RBM19: variants seen among roughly 807,000 people sequenced by gnomAD.
RBM19 encodes probable RNA-binding protein 19.
RBM19 carries 94 observed loss-of-function variants against 116.8 expected under a neutral mutation model. The observed-to-expected ratio is 0.80, with a 90% CI of 0.68 to 0.95. RBM19 has a LOEUF of 0.95. Among genes scored for constraint, RBM19 ranks in the 40% least tolerant of loss-of-function variants. The pLI is 0.00. For synonymous variants in RBM19, 475 were observed against 494.1 expected, an observed-to-expected ratio of 0.96 and a Z score of 0.51; for missense variants, 1,161 against 1,220.7, an observed-to-expected ratio of 0.95 and a Z score of 0.73.
At chr12:113,832,226 G>A (rs912944323) in intron 23 of RBM19, among the ~76,000 whole-genome samples, 5 of 148,774 alleles carry the variant, frequency 3.4e-5, no homozygotes, top group Non-Finnish European at 7.4e-5. Context: ...GTCTCACTCT[G>A]TTGCCCAGGC....
At chr12:113,845,994 C>A (rs142257297) in intron 22 of RBM19, among the ~76,000 whole-genome samples, 3 of 152,244 alleles carry the variant, frequency 2.0e-5, no homozygotes, top group Non-Finnish European at 2.9e-5. Context: ...AATGAGTTAA[C>A]AGCGTCTAGA....
At chr12:113,919,101 T>G (rs1419196523) in intron 19 of RBM19, among the ~76,000 whole-genome samples, 1 of 152,204 alleles carries the variant, frequency 6.6e-6, no homozygotes, top group Non-Finnish European at 1.5e-5. Context: ...AATTTTAAGT[T>G]AAATGAGTAC....
chr12:113,817,116 A>C (rs997421802), downstream of RBM19: 1 of 152,252 alleles, frequency 6.6e-6, no homozygotes, highest in Non-Finnish European at 1.5e-5. Context: ...GCTGCGAGAG[A>C]CGGCCCTGCA....
intron 16 of RBM19, among the ~76,000 whole-genome samples, chr12:113,933,432 A>C (rs1300974927): frequency 6.6e-6 from 1 of 152,106 alleles, no homozygotes; most frequent in Non-Finnish European, 1.5e-5. Context: ...GGGCAGGAGG[A>C]GGCCCTGGAG....
chr12:113,955,330 G>A, intron 6 of RBM19, 119 bp from the exon 7 acceptor site: 3 of 941,504 alleles, frequency 3.2e-6, no homozygotes, highest in Non-Finnish European at 5.1e-6. Context: ...GGGAGCTGGG[G>A]AATGCTGGGA....
chr12:113,927,532 C>A, intron 16 of RBM19: 1 of 291,734 alleles, frequency 3.4e-6, no homozygotes, highest in Non-Finnish European at 6.3e-6. Flanking sequence ...AATAAATTAC[C>A]ATGTGAACTG....
downstream of RBM19, among the ~76,000 whole-genome samples, chr12:113,821,117 C>T (rs1266729101): frequency 3.3e-5 from 5 of 152,142 alleles, no homozygotes; most frequent in African/African-American, 1.2e-4. Flanking sequence ...CCGAGGCTCA[C>T]GAGGCTGGAG....
At chr12:113,858,919 A>G (rs762536155) in intron 21 of RBM19, 23 bp from the exon 22 acceptor site, 4 of 1,609,376 alleles carry the variant, frequency 2.5e-6, no homozygotes, top group Non-Finnish European at 3.4e-6. Flanking sequence ...GGCAAGACAT[A>G]GGGGTTTAAG....
At chr12:113,941,528 A>G (rs1209315184) in intron 14 of RBM19, among the ~76,000 whole-genome samples, 1 of 117,014 alleles carries the variant, frequency 8.5e-6, no homozygotes, top group African/African-American at 4.4e-5. Context: ...AGCTATTAGT[A>G]TATTTATTTT....
chr12:113,901,903 G>T lies in RBM19; in HGVS notation c.2558+13066C>A, dbSNP rs181290156. ...GATGATAGGCAACTCATTACTGCAG[G>T]AAATGGCCTTTTTCTAATGCTTTAT... On this transcript the variant is annotated intron_variant, in intron 21 of 23. Coordinates refer to ENST00000261741, the MANE Select transcript of RBM19 (RefSeq NM_016196.4). Among the ~76,000 whole-genome samples, 4 of 150,222 alleles carry T rather than the reference G, an allele frequency of 2.7e-5. No homozygotes were observed. In the East Asian group the frequency reaches 7.7e-4, roughly 29 times the overall value.
rs201150757 is a variant in RBM19, at chr12:113,945,918, G to C, written c.1536C>G (p.His512Gln). The change falls in exon 13 of 24, where the codon CAC (histidine) becomes CAG (glutamine). Residue 512 changes from histidine (H) to glutamine (Q), a missense_variant. Physicochemically the swap from His to Gln is conservative, Grantham distance 24. Transcript: ENST00000261741. ...GCCCCATGAATAGTGTGTTCCAGTT[G>C]TGAGAGCTAAGAGGCAGAGGCAGAA... ...AQDKANSASS[H>Q]NWNTLFMGPN... 5.7e-5 allele frequency: 90 copies of C among 1,573,376 alleles called. No individual in the cohort carries two copies. The highest frequency in any genetic ancestry group is 3.2e-4 in the Admixed American group (19 of 59,928).
intron 23 of RBM19, among the ~76,000 whole-genome samples, chr12:113,829,197 C>T (rs1875149848): frequency 6.6e-6 from 1 of 152,180 alleles, no homozygotes; most frequent in Non-Finnish European, 1.5e-5. Context: ...GAGATTTCAC[C>T]ATGTTGGACA....
intron 21 of RBM19, among the ~76,000 whole-genome samples, chr12:113,875,884 T>C (rs1879638291): frequency 6.6e-6 from 1 of 152,148 alleles, no homozygotes; most frequent in Admixed American, 6.5e-5. Context: ...AGGGGCCGTT[T>C]GTGTGAATCT....
In RBM19 at chr12:113,878,849, G is replaced by T. The variant is rs76067478; in HGVS notation, c.2559-19953C>A. Among the ~76,000 whole-genome samples, 274 of 151,076 alleles carry T rather than the reference G, an allele frequency of 1.8e-3. 4 individuals are homozygous for T. The East Asian group carries it at 0.033, about 18-fold the overall frequency. On this transcript the variant is annotated intron_variant, in intron 21 of 23. Transcript: ENST00000261741. Reference sequence around the variant, plus strand: ...TTGAAAAAAAAAAAAAAAAAGGGGGGGGTGGTGAGAGGGTGAGATTGGGGG... The same window carrying T: ...TTGAAAAAAAAAAAAAAAAAGGGGGTGGTGGTGAGAGGGTGAGATTGGGGG...
At chr12:113,947,588 G>A (rs908878018) in intron 10 of RBM19, 124 bp from the exon 11 acceptor site, 31 of 1,043,850 alleles carry the variant, frequency 3.0e-5, no homozygotes, top group Middle Eastern at 5.7e-4. Context: ...AGTCCCCTAC[G>A]TGTGTCTATC....
chr12:113,896,254 C>G (rs1881314296), intron 21 of RBM19, among the ~76,000 whole-genome samples: 2 of 152,200 alleles, frequency 1.3e-5, no homozygotes, highest in African/African-American at 4.8e-5. Context: ...CTGGGTCCAC[C>G]TATCTTCCCT....
chr12:113,879,606 G>A (rs1053862306), intron 21 of RBM19, among the ~76,000 whole-genome samples: 2 of 151,830 alleles, frequency 1.3e-5, no homozygotes, highest in African/African-American at 4.8e-5. Flanking sequence ...CTTCCACCAT[G>A]GCTGGATGGC....
chr12:113,860,744 C>G (rs1423989461), intron 21 of RBM19, among the ~76,000 whole-genome samples: 1 of 152,152 alleles, frequency 6.6e-6, no homozygotes, highest in Non-Finnish European at 1.5e-5. Context: ...GCTCACTGTG[C>G]CCCCTGACCA....
At chr12:113,950,189 G>A (rs771680426) in intron 8 of RBM19, 35 bp from the exon 9 acceptor site, 17 of 1,524,784 alleles carry the variant, frequency 1.1e-5, no homozygotes, top group Non-Finnish European at 1.5e-5. Context: ...AAAATCTGCA[G>A]GCCTTGCAGA....
Sources: gnomAD v4.1 joint callset for allele counts (sites outside exome capture counted in the v4.1 genomes callset) on GRCh38, gnomAD v4.1.1 for gene constraint, MANE v1.5 for transcripts, NCBI Gene and HGNC (gene_info 2026-07-23, HGNC 2026-07-21) for gene names.